RAB11B: variants seen among roughly 807,000 people sequenced by gnomAD.
RAB11B encodes the protein ras-related protein Rab-11B.
Under a neutral mutation model 23.7 loss-of-function variants are expected in RAB11B, and 7 were observed. The observed-to-expected ratio is 0.29, with a 90% CI of 0.17 to 0.55. The LOEUF (loss-of-function observed/expected upper bound fraction) is 0.55, where lower values mean the gene tolerates loss of function less well. Among genes scored for constraint, RAB11B ranks in the 20% least tolerant of loss-of-function variants. The pLI, the probability that RAB11B is intolerant of heterozygous loss-of-function variation, is 0.93. For synonymous variants in RAB11B, 138 were observed against 132.0 expected (o/e 1.05, Z -0.31); for missense variants, 189 against 320.0 (o/e 0.59, Z 3.12).
chr19:8,402,412 C>G (rs1319631972), intron 3 of RAB11B, 73 bp from the exon 4 acceptor site: 2 of 1,560,938 alleles, frequency 1.3e-6, no homozygotes, highest in Non-Finnish European at 1.8e-6. Flanking sequence ...GGTGGGTGGG[C>G]GGGGTCCCTG....
intron 1 of RAB11B, among the ~76,000 whole-genome samples, chr19:8,398,140 C>G (rs1407306108): frequency 2.6e-5 from 4 of 152,158 alleles, no homozygotes; most frequent in Non-Finnish European, 5.9e-5. Context: ...ATGGCTGGGA[C>G]AGGAAACAGT....
intron 1 of RAB11B, among the ~76,000 whole-genome samples, chr19:8,392,685 CTTTTT>C (rs74176644): frequency 5.3e-4 from 42 of 79,666 alleles, no homozygotes; most frequent in African/African-American, 1.2e-3. Flanking sequence ...TTTTTCTTTT[CTTTTT>C]TTTTTTTTTT....
At position 8,399,810 on chromosome 19, in the gene RAB11B, G is replaced by C. The variant is rs1218978218; in HGVS notation, c.41-53G>C. On this transcript the variant is annotated intron_variant, in intron 1 of 4. Coordinates refer to ENST00000328024, the MANE Select transcript of RAB11B (RefSeq NM_004218.4). ...CAGGGAACCGGCGGGAAGGTTGTGG[G>C]GGCAGTCGTGGGTGGAGTGTGGGGA... 1.0e-5 allele frequency: 16 copies of C among 1,578,056 alleles called. No homozygotes were observed. The East Asian group carries it at 3.6e-4, about 36-fold the overall frequency.
intron 1 of RAB11B, among the ~76,000 whole-genome samples, chr19:8,398,958 TA>T (rs74176645): frequency 0.059 from 7,190 of 122,542 alleles, 198 homozygotes; most frequent in Middle Eastern, 0.11. Flanking sequence ...TTATTATTAT[TA>T]TTTTTTTTTT....
rs1478580484 is a variant in RAB11B, at chr19:8,399,966, C to T, written c.144C>T (p.Phe48=). 5.0e-6 allele frequency: 8 copies of T among 1,614,088 alleles called. No homozygotes were observed. Among genetic ancestry groups the T allele is most frequent in the Middle Eastern group, 1.6e-4 (1 of 6,084 alleles). ...GCAAGAGCACCATCGGCGTGGAGTT[C>T]GCCACCCGCAGCATCCAGGTGGACG... ...LESKSTIGVE[F]ATRSIQVDGK... Residue 48 remains phenylalanine (F), a synonymous_variant, in exon 2 of 5, where the codon TTC becomes TTT. Coordinates refer to ENST00000328024, the MANE Select transcript of RAB11B (RefSeq NM_004218.4).
At chr19:8,391,372 C>G (rs1053400604) in intron 1 of RAB11B, among the ~76,000 whole-genome samples, 2 of 152,228 alleles carry the variant, frequency 1.3e-5, no homozygotes, top group Non-Finnish European at 2.9e-5. Flanking sequence ...CCAACTTCTT[C>G]CAACACGTGC....
chr19:8,402,497 T>C lies in RAB11B; in HGVS notation c.443T>C (p.Leu148Ser), dbSNP rs1971446308. 8.7e-6 allele frequency: 14 copies of C among 1,613,626 alleles called. No homozygotes were observed. Among genetic ancestry groups the C allele is most frequent in the Non-Finnish European group, 1.2e-5 (14 of 1,179,652 alleles). ...EARAFAEKNN[L>S]SFIETSALDS... ...TTCTTTGTTCCAGAAAAGAACAACTTGTCCTTCATCGAGACCTCAGCCTTG... is the reference window on the plus strand; with the variant it reads ...TTCTTTGTTCCAGAAAAGAACAACTCGTCCTTCATCGAGACCTCAGCCTTG... Residue 148 changes from leucine to serine, a missense_variant, in exon 4 of 5, where the codon TTG becomes TCG. By Grantham distance (145) the Leu-to-Ser change is moderately radical. This residue lies in a region of RAB11B where 122 missense variants were observed against 170.8 expected (regional missense o/e 0.71). Coordinates refer to ENST00000328024, the MANE Select transcript of RAB11B (RefSeq NM_004218.4).
chr19:8,392,755 A>G (rs780876748), intron 1 of RAB11B, among the ~76,000 whole-genome samples: 6 of 133,842 alleles, frequency 4.5e-5, no homozygotes, highest in Admixed American at 8.5e-5. Flanking sequence ...CAGTGGCGCA[A>G]TCTCGGCTCA....
intron 1 of RAB11B, among the ~76,000 whole-genome samples, chr19:8,393,399 G>A (rs930331192): frequency 6.6e-6 from 1 of 152,150 alleles, no homozygotes; most frequent in African/African-American, 2.4e-5. Context: ...GGCCGCAGCT[G>A]CCCCAGGCCC....
intron 4 of RAB11B, 73 bp from the exon 5 acceptor site, chr19:8,403,340 G>A: frequency 6.4e-7 from 1 of 1,554,648 alleles, no homozygotes; most frequent in Non-Finnish European, 8.8e-7. Context: ...CTGGAGTCCT[G>A]CAGGGAGGGG....
chr19:8,402,065 C>T (rs1437973061), intron 2 of RAB11B, 21 bp from the exon 3 acceptor site: 2 of 1,557,406 alleles, frequency 1.3e-6, no homozygotes, highest in South Asian at 1.2e-5. Flanking sequence ...CAGAGAGGCT[C>T]ATGGGCCCCT....
chr19:8,391,272 G>T (rs1971350492), intron 1 of RAB11B, among the ~76,000 whole-genome samples: 1 of 152,206 alleles, frequency 6.6e-6, no homozygotes, highest in Admixed American at 6.5e-5. Context: ...GTTGGAACCC[G>T]ATTGAGCCCA....
chr19:8,398,254 C>G (rs1276472370), intron 1 of RAB11B, among the ~76,000 whole-genome samples: 1 of 152,226 alleles, frequency 6.6e-6, no homozygotes, highest in African/African-American at 2.4e-5. Flanking sequence ...TGCTGCACAC[C>G]CCGTGTCGAC....
intron 2 of RAB11B, 81 bp from the exon 3 acceptor site, chr19:8,402,005 G>A (rs371492022): frequency 2.3e-5 from 33 of 1,410,958 alleles, no homozygotes; most frequent in African/African-American, 1.6e-4. Context: ...CACCCTGGGC[G>A]TGATGTGTGC....
chr19:8,398,738 C>G (rs1971414905), intron 1 of RAB11B, among the ~76,000 whole-genome samples: 1 of 152,116 alleles, frequency 6.6e-6, no homozygotes, highest in Non-Finnish European at 1.5e-5. Context: ...GACCAGAAAC[C>G]ACAACAACCG....
chr19:8,390,556 CG>C (rs1971339731), intron 1 of RAB11B, 100 bp downstream of exon 1: 2 of 1,252,732 alleles, frequency 1.6e-6, no homozygotes, highest in East Asian at 3.2e-5. Context: ...GGCCGGAGCC[CG>C]GGGCTTGGGG....
Position 8,394,434 on chromosome 19 carries a change from C to T in RAB11B, c.40+3978C>T, listed in dbSNP as rs527759629. Among the ~76,000 whole-genome samples, 28 of 152,266 alleles carry T rather than the reference C, an allele frequency of 1.8e-4. No individual in the cohort carries two copies. The South Asian group carries it at 4.1e-3, about 23-fold the overall frequency. ...CCTCCCAAAGTGCTGGGATTACAGG[C>T]GTGAGCCACTGCACCTGGCCTGTCA... On this transcript the variant is annotated intron_variant, in intron 1 of 4. Coordinates refer to ENST00000328024, the MANE Select transcript of RAB11B (RefSeq NM_004218.4).
At chr19:8,393,135 G>A (rs1345645000) in intron 1 of RAB11B, among the ~76,000 whole-genome samples, 3 of 152,104 alleles carry the variant, frequency 2.0e-5, no homozygotes, top group African/African-American at 7.2e-5. Flanking sequence ...GAATGACACT[G>A]TTGATTTGTA....
rs1843874748 is a variant in RAB11B, at chr19:8,404,146, C to T, written c.*588C>T. ...CCTCTCCCCTCCCCTCTCCTGCACG[C>T]AACGCGCCCTCTCGGCCCTCCCTGT... is the stretch of plus-strand genomic sequence containing the variant. On this transcript the variant is annotated 3_prime_UTR_variant, in exon 5 of 5. Coordinates refer to ENST00000328024, the MANE Select transcript of RAB11B (RefSeq NM_004218.4). 3 of 151,838 alleles carry T rather than the reference C, an allele frequency of 2.0e-5. No individual in the cohort carries two copies. Among genetic ancestry groups the T allele is most frequent in the African/African-American group, 7.3e-5 (3 of 41,160 alleles). The allele number at this position is 151,838 out of a possible 1,614,324, so 9.4% of individuals were successfully genotyped here.
Sources: allele counts gnomAD v4.1 joint callset (sites outside exome capture counted in the v4.1 genomes callset), GRCh38; gene constraint gnomAD v4.1.1; regional missense constraint gnomAD v4.1.1; transcripts MANE v1.5; gene names NCBI Gene and HGNC (gene_info 2026-07-23, HGNC 2026-07-21).